The following CHD9 variants were observed in gnomAD, a reference collection of about 807,000 sequenced individuals.
The protein encoded by CHD9 is chromodomain helicase DNA binding protein 9, also known as ATP-dependent chromatin remodeler CHD9.
CHD9 carries 77 observed loss-of-function variants against 316.1 expected under a neutral mutation model. The observed-to-expected ratio is 0.24, with a 90% CI of 0.20 to 0.29. The LOEUF is 0.29. CHD9 is among the 10% of genes least tolerant of loss of function. The probability of loss-of-function intolerance (pLI) is 1.00; values close to 1 mark genes in which losing one functional copy is unlikely to be tolerated. For synonymous variants in CHD9, 1,129 were observed against 1,158.3 expected, an observed-to-expected ratio of 0.97 and a Z score of 0.51; for missense variants, 2,763 against 3,438.1, an observed-to-expected ratio of 0.80 and a Z score of 4.91.
At chr16:53,058,567 G>A (rs1164035416) in intron 1 of CHD9, among the ~76,000 whole-genome samples, 1 of 152,220 alleles carries the variant, frequency 6.6e-6, no homozygotes. Flanking sequence ...GGGGACTCAA[G>A]GAGAGCCAGT....
intron 11 of CHD9, among the ~76,000 whole-genome samples, chr16:53,235,881 G>A (rs1031891826): frequency 1.3e-5 from 2 of 152,100 alleles, no homozygotes; most frequent in African/African-American, 2.4e-5. Context: ...ATGTTACTGC[G>A]ATTGAGAAAG....
At chr16:53,281,544 A>G (rs1159668387) in intron 24 of CHD9, among the ~76,000 whole-genome samples, 1 of 152,162 alleles carries the variant, frequency 6.6e-6, no homozygotes, top group Non-Finnish European at 1.5e-5. Flanking sequence ...CCAGAGTGGT[A>G]TTTCTAAAGC....
At chr16:53,065,537 G>A (rs2033416024) in intron 1 of CHD9, among the ~76,000 whole-genome samples, 3 of 151,598 alleles carry the variant, frequency 2.0e-5, no homozygotes, top group African/African-American at 7.3e-5. Flanking sequence ...TGGGAGGCTG[G>A]GTGGGAGGAT....
intron 18 of CHD9, 72 bp downstream of exon 18, chr16:53,254,677 C>A: frequency 7.1e-7 from 1 of 1,406,094 alleles, no homozygotes; most frequent in South Asian, 1.6e-5. Context: ...AATAGTGTGT[C>A]ATTTAGTTTT....
At chr16:53,185,591 A>G (rs531282880) in intron 2 of CHD9, among the ~76,000 whole-genome samples, 20 of 152,346 alleles carry the variant, frequency 1.3e-4, no homozygotes, top group African/African-American at 4.6e-4. Context: ...GTCGAATGTT[A>G]ATCAAGACAA....
intron 2 of CHD9, among the ~76,000 whole-genome samples, chr16:53,172,996 G>A (rs1422838016): frequency 6.6e-6 from 1 of 152,014 alleles, no homozygotes; most frequent in Non-Finnish European, 1.5e-5. Context: ...AGTTGTTAAA[G>A]TTGATGAAGT....
At chr16:53,265,263 G>A (rs555802328) in intron 20 of CHD9, among the ~76,000 whole-genome samples, 1 of 152,070 alleles carries the variant, frequency 6.6e-6, no homozygotes, top group East Asian at 1.9e-4. Flanking sequence ...TTAGCTAGGC[G>A]TGATTGTGCG....
chr16:53,157,621 A>G (rs979154636), intron 2 of CHD9, 80 bp downstream of exon 2: 341 of 1,323,650 alleles, frequency 2.6e-4, no homozygotes, highest in Non-Finnish European at 4.1e-5. Flanking sequence ...TATATGAAAC[A>G]TAGTCAAGAT....
intron 1 of CHD9, among the ~76,000 whole-genome samples, chr16:53,090,650 C>T (rs1436073312): frequency 1.3e-5 from 2 of 152,144 alleles, no homozygotes; most frequent in African/African-American, 2.4e-5. Context: ...GCATGAAGCC[C>T]AGGGCCCCAG....
chr16:53,218,937 C>T (rs1165577553), intron 3 of CHD9, among the ~76,000 whole-genome samples: 2 of 152,080 alleles, frequency 1.3e-5, no homozygotes, highest in Non-Finnish European at 2.9e-5. Flanking sequence ...AGTATTGTCC[C>T]TTACTTTGCC....
chr16:53,203,913 A>G (rs1019353099), intron 2 of CHD9, among the ~76,000 whole-genome samples: 1 of 148,878 alleles, frequency 6.7e-6, no homozygotes, highest in African/African-American at 2.5e-5. Context: ...AGTCCCAGCT[A>G]CTCGTGAGCC....
intron 1 of CHD9, among the ~76,000 whole-genome samples, chr16:53,146,805 A>C (rs2040668284): frequency 6.6e-6 from 1 of 151,980 alleles, no homozygotes; most frequent in Non-Finnish European, 1.5e-5. Flanking sequence ...TCAAAAAAAA[A>C]AAAAAAGTTA....
intron 30 of CHD9, chr16:53,298,446 G>C (rs2055018747): frequency 6.5e-6 from 1 of 153,490 alleles, no homozygotes; most frequent in African/African-American, 2.4e-5. Context: ...CCAGGAGTTT[G>C]AGACAAGCCT....
rs567475878 is a variant in CHD9, at chr16:53,306,295, C to T, written c.6678C>T (p.Thr2226=). The T allele has an allele frequency of 6.2e-7, 1 of 1,609,850 alleles. No homozygotes were observed. Among genetic ancestry groups the T allele is most frequent in the South Asian group, 1.1e-5 (1 of 90,514 alleles). The part of the protein sequence containing the change: ...DEESVASLST[T]QDETQDSFQM... ...AAAGCGTCGCGTCACTGAGCACTAC[C>T]CAGGATGAGACTCAGGATAGTTTTC... The change falls in exon 32 of 39, where the codon ACC becomes ACT. Residue 2226 remains threonine, a synonymous_variant. Transcript: ENST00000447540.
rs1167502292 is a variant in CHD9 at position 53,306,308 on chromosome 16, C to G, written c.6691C>G (p.Gln2231Glu). 2 of 1,611,486 alleles carry G rather than the reference C, an allele frequency of 1.2e-6. No individual in the cohort carries two copies. The highest frequency in any genetic ancestry group is 1.7e-6 in the Non-Finnish European group (2 of 1,178,722). ...ACTGAGCACTACCCAGGATGAGACT[C>G]AGGATAGTTTTCAGATGAACAATGG... ...ASLSTTQDETQDSFQMNNGTP... is the reference protein window; with the variant it reads ...ASLSTTQDETEDSFQMNNGTP... The change falls in exon 32 of 39, where the codon CAG (glutamine) becomes GAG (glutamate). Residue 2231 changes from glutamine (Q) to glutamate (E), a missense_variant. By Grantham distance (29) the Gln-to-Glu change is conservative. This residue lies in a region of CHD9 where 663 missense variants were observed against 751.2 expected (regional missense o/e 0.88). Transcript: ENST00000447540.
intron 28 of CHD9, among the ~76,000 whole-genome samples, 195 bp from the exon 29 acceptor site, chr16:53,292,638 A>G (rs2054439700): frequency 6.6e-6 from 1 of 152,208 alleles, no homozygotes; most frequent in Non-Finnish European, 1.5e-5. Flanking sequence ...ACTGTATTGT[A>G]CCTACTTTGA....
At chr16:53,230,224 C>G (rs1258799681) in intron 8 of CHD9, among the ~76,000 whole-genome samples, 1 of 152,228 alleles carries the variant, frequency 6.6e-6, no homozygotes, top group Non-Finnish European at 1.5e-5. Context: ...CATGATACCT[C>G]TGTACCCCAG....
intron 1 of CHD9, among the ~76,000 whole-genome samples, chr16:53,148,093 G>C (rs1429964567): frequency 6.6e-6 from 1 of 152,052 alleles, no homozygotes; most frequent in Non-Finnish European, 1.5e-5. Context: ...TGTAAGCCCA[G>C]CTACTCGGGA....
intron 16 of CHD9, 89 bp downstream of exon 16, chr16:53,247,592 A>G: frequency 1.2e-6 from 1 of 862,582 alleles, no homozygotes; most frequent in Admixed American, 2.6e-5. Context: ...CTTTACTCAT[A>G]TCTTTCTCTT....
Sources: gnomAD v4.1 joint callset for allele counts (sites outside exome capture counted in the v4.1 genomes callset) on GRCh38, gnomAD v4.1.1 for gene constraint, gnomAD v4.1.1 regional missense constraint, MANE v1.5 for transcripts, NCBI Gene and HGNC (gene_info 2026-07-23, HGNC 2026-07-21) for gene names.